UGGT1: variants seen among roughly 807,000 people sequenced by gnomAD.
UGGT1 encodes the protein UDP-glucose:glycoprotein glucosyltransferase 1.
UGGT1 carries 107 observed loss-of-function variants against 203.9 expected under a neutral mutation model. The observed-to-expected ratio is 0.52, with a 90% confidence interval of 0.45 to 0.62. The LOEUF (loss-of-function observed/expected upper bound fraction) is 0.62. Ranked by LOEUF, UGGT1 falls within the 20% of genes least tolerant of loss-of-function variation. The pLI is 0.00. For missense variants in UGGT1, 1,673 were observed against 1,867.2 expected (o/e 0.90, Z 1.92); for synonymous variants, 628 against 653.5 (o/e 0.96, Z 0.59).
At chr2:128,159,455 C>T in intron 22 of UGGT1, 59 bp from the exon 23 acceptor site, 1 of 1,484,386 alleles carries the variant, frequency 6.7e-7, no homozygotes, top group Non-Finnish European at 9.4e-7. Flanking sequence ...GATGTTAATG[C>T]TGCTTTTTAA....
intron 10 of UGGT1, 103 bp from the exon 11 acceptor site, chr2:128,123,083 T>C: frequency 1.2e-6 from 1 of 850,404 alleles, no homozygotes; most frequent in South Asian, 2.5e-5. Flanking sequence ...CATTCAGTTT[T>C]TTCTAATTTA....
At chr2:128,145,353 G>GTAGT (rs1208163191) in intron 17 of UGGT1, among the ~76,000 whole-genome samples, 1 of 152,222 alleles carries the variant, frequency 6.6e-6, no homozygotes, top group Non-Finnish European at 1.5e-5. Flanking sequence ...CAGGTGCTCA[G>GTAGT]TAGTTACATG....
At chr2:128,126,029 G>A (rs1688582242) in intron 11 of UGGT1, among the ~76,000 whole-genome samples, 1 of 147,938 alleles carries the variant, frequency 6.8e-6, no homozygotes, top group African/African-American at 2.5e-5. Context: ...TGTAACCTTC[G>A]CCTCCCGGTT....
chr2:128,164,637 A>ATGGACT (rs1690693308), intron 25 of UGGT1, 93 bp from the exon 26 acceptor site: 1 of 997,100 alleles, frequency 1.0e-6, no homozygotes, highest in African/African-American at 1.6e-5. Flanking sequence ...CCATCTTGTT[A>ATGGACT]GAATTCAGTA....
At chr2:128,128,168 G>T (rs1216615906) in intron 12 of UGGT1, among the ~76,000 whole-genome samples, 2 of 152,144 alleles carry the variant, frequency 1.3e-5, no homozygotes, top group African/African-American at 4.8e-5. Context: ...GTAAAATGTG[G>T]TTCAGTATTA....
At chr2:128,128,104 T>G (rs77771368) in intron 12 of UGGT1, among the ~76,000 whole-genome samples, 1 of 152,006 alleles carries the variant, frequency 6.6e-6, no homozygotes, top group Non-Finnish European at 1.5e-5. Flanking sequence ...AAACTGTCTC[T>G]TGTGTCTCAG....
In UGGT1 at chr2:128,189,785, T is replaced by G; in HGVS notation, c.*43T>G. 1 of 1,607,986 alleles carries G rather than the reference T, an allele frequency of 6.2e-7. No homozygotes were observed. The highest frequency in any genetic ancestry group is 8.5e-7 in the Non-Finnish European group (1 of 1,175,938). On this transcript the variant is annotated 3_prime_UTR_variant, in exon 41 of 41. Coordinates refer to ENST00000259253, the MANE Select transcript of UGGT1 (RefSeq NM_020120.4). ...GAAATCACCCCATTTGAAAAACAGT[T>G]TTTATAATAAATGCTAGTTTTTTCT...
At chr2:128,165,432 TCATGCCTGTAATCC>T (rs1451904976) in intron 26 of UGGT1, among the ~76,000 whole-genome samples, 1 of 152,122 alleles carries the variant, frequency 6.6e-6, no homozygotes, top group Admixed American at 6.5e-5. Flanking sequence ...GCGTGGTGGC[TCATGCCTGTAATCC>T]CAGCACTTTG....
intron 38 of UGGT1, 42 bp downstream of exon 38, chr2:128,183,831 TAC>T (rs1353191019): frequency 1.4e-6 from 2 of 1,468,790 alleles, no homozygotes; most frequent in South Asian, 2.3e-5. Flanking sequence ...GTGACGGGTA[TAC>T]AGTGTTGCAT....
In UGGT1 at chr2:128,186,597, A is replaced by G. The variant is rs1441753403; in HGVS notation, c.4360-86A>G. 2.7e-6 allele frequency: 3 copies of G among 1,100,236 alleles called. No homozygotes were observed. The Admixed American group carries it at 6.9e-5, about 25-fold the overall frequency. The allele number at this position is 1,100,236 out of a possible 1,614,324, so 68.2% of individuals were successfully genotyped here. Reference sequence around the variant, plus strand: ...ACTCCAACCTGGGTGACAGAGTGGGACCCCATCTCTCAATAAATAAATAAA... The same window carrying G: ...ACTCCAACCTGGGTGACAGAGTGGGGCCCCATCTCTCAATAAATAAATAAA... On this transcript the variant is annotated intron_variant, in intron 38 of 40. Transcript: ENST00000259253.
intron 6 of UGGT1, 49 bp downstream of exon 6, chr2:128,113,307 A>G (rs1223479966): frequency 2.1e-6 from 3 of 1,450,864 alleles, no homozygotes; most frequent in Admixed American, 2.2e-5. Context: ...TTTGCCTAGC[A>G]TGACTTTAGA....
In UGGT1 at chr2:128,145,917, A is replaced by C; in HGVS notation, c.1966A>C (p.Met656Leu). The C allele has an allele frequency of 6.2e-7, 1 of 1,614,164 alleles. No individual in the cohort carries two copies. Among genetic ancestry groups the C allele is most frequent in the Non-Finnish European group, 8.5e-7 (1 of 1,180,018 alleles). ...LDPDELETIT[M>L]HKILETTTFF... is the part of the protein sequence containing the mutation. The stretch of plus-strand genomic sequence containing the variant: ...CCCTGATGAGTTAGAAACCATCACA[A>C]TGCATAAAATCCTGGAGACCACCAC... Residue 656 changes from methionine (M) to leucine (L), a missense_variant, in exon 18 of 41, where the codon ATG becomes CTG. Transcript: ENST00000259253.
Position 128,113,151 on chromosome 2 carries a change from A to T in UGGT1, c.589A>T (p.Ile197Phe), listed in dbSNP as rs750167946. 4 of 1,612,854 alleles carry T rather than the reference A, an allele frequency of 2.5e-6. No individual in the cohort carries two copies. Among genetic ancestry groups the T allele is most frequent in the Non-Finnish European group, 8.5e-7 (1 of 1,179,366 alleles). Residue 197 changes from isoleucine to phenylalanine, a missense_variant, in exon 6 of 41, where the codon ATT (isoleucine) becomes TTT (phenylalanine). By Grantham distance (21) the Ile-to-Phe change is conservative (BLOSUM62 0). Around this residue, in one of 4 missense-constraint regions of UGGT1, gnomAD observed 1,073 missense variants for 1,078.7 expected, o/e 0.99. Transcript: ENST00000259253. ...PSSNPESPVVIFYSEIGSEEF... is the reference protein window; with the variant it reads ...PSSNPESPVVFFYSEIGSEEF... ...GTCTAATCCTGAAAGCCCTGTGGTG[A>T]TTTTCTACTCTGAGATTGGCTCTGA...
At chr2:128,186,275 C>T (rs1020893035) in intron 38 of UGGT1, among the ~76,000 whole-genome samples, 30 of 152,212 alleles carry the variant, frequency 2.0e-4, no homozygotes, top group African/African-American at 6.8e-4. Flanking sequence ...TGATCTGTAA[C>T]GAGCAGCTGT....
rs1448547251 is a variant in UGGT1 at position 128,191,229 on chromosome 2, A to T, written c.*1487A>T. On this transcript the variant is annotated 3_prime_UTR_variant, in exon 41 of 41. Coordinates refer to ENST00000259253, the MANE Select transcript of UGGT1 (RefSeq NM_020120.4). ...CCCTCCTAAGCCAGGTAATATATTG[A>T]TGTGCAGACTTTTAAGAAATCTTAG... 2.0e-5 allele frequency: 3 copies of T among 152,258 alleles called. No individual in the cohort carries two copies. The highest frequency in any genetic ancestry group is 1.9e-4 in the East Asian group (1 of 5,200). The allele number at this position is 152,258 out of a possible 1,614,324, so 9.4% of individuals were successfully genotyped here. A position where few individuals can be genotyped will look rare whatever the true frequency, so the allele number is the denominator to read the frequency against.
chr2:128,172,447 C>A, intron 28 of UGGT1, 126 bp from the exon 29 acceptor site: 1 of 1,227,656 alleles, frequency 8.1e-7, no homozygotes, highest in Non-Finnish European at 1.1e-6. Context: ...AAACACTTTT[C>A]CCAATCTGGA....
chr2:128,133,038 C>T, intron 13 of UGGT1, 103 bp from the exon 14 acceptor site: 1 of 1,418,958 alleles, frequency 7.0e-7, no homozygotes, highest in Non-Finnish European at 9.7e-7. Context: ...GGTCTTGTCT[C>T]ACATGATTCT....
At chr2:128,155,711 T>C (rs966389968) in intron 20 of UGGT1, 124 bp downstream of exon 20, 2 of 677,264 alleles carry the variant, frequency 3.0e-6, no homozygotes, top group Non-Finnish European at 4.8e-6. Context: ...TTATTTCTTA[T>C]AAAGCTTTGA....
chr2:128,128,917 CAATT>C (rs1688743908), intron 12 of UGGT1, 108 bp from the exon 13 acceptor site: 22 of 1,067,674 alleles, frequency 2.1e-5, no homozygotes, highest in African/African-American at 3.3e-5. Flanking sequence ...TTAAATTTCT[CAATT>C]AATTTGATTT....
Sources: gnomAD v4.1 joint callset for allele counts (sites outside exome capture counted in the v4.1 genomes callset) on GRCh38, gnomAD v4.1.1 for gene constraint, gnomAD v4.1.1 regional missense constraint, MANE v1.5 for transcripts, NCBI Gene and HGNC (gene_info 2026-07-23, HGNC 2026-07-21) for gene names.